The following C12orf42 variants were observed in gnomAD, a reference collection of about 807,000 sequenced individuals.
The protein encoded by C12orf42 is uncharacterized protein C12orf42.
A neutral mutation model predicts 21.6 loss-of-function variants in C12orf42; 25 were observed. The ratio of observed to expected loss-of-function variants is 1.16; its 90% CI spans 0.84 to 1.62. The LOEUF is 1.62. C12orf42 is among the 40% of genes most tolerant of loss of function. The pLI is 0.00. For synonymous variants in C12orf42, 174 were observed against 175.0 expected, an observed-to-expected ratio of 0.99 and a Z score of 0.05; for missense variants, 483 against 459.3, an observed-to-expected ratio of 1.05 and a Z score of -0.47.
chr12:103,388,595 A>G (rs1309881033), intron 3 of C12orf42, among the ~76,000 whole-genome samples: 1 of 152,164 alleles, frequency 6.6e-6, no homozygotes, highest in Non-Finnish European at 1.5e-5. Flanking sequence ...TTTTCTCTAG[A>G]CTTTTAGATG....
chr12:103,478,373 G>C lies in C12orf42; in HGVS notation c.54C>G (p.Ile18Met), dbSNP rs748626207. Residue 18 changes from isoleucine to methionine, a missense_variant, in exon 2 of 6, where the codon ATC becomes ATG. By Grantham distance (10) the Ile-to-Met change is conservative. Coordinates refer to ENST00000548883, the MANE Select transcript of C12orf42 (RefSeq NM_198521.5). ...KQREEEFLLT[I>M]RPFANRMQKS... ...CCTGCATCCTGTTTGCAAAAGGTCTGATGGTTAGCAAGAATTCTTCTTCCC... is the reference window on the plus strand; with the variant it reads ...CCTGCATCCTGTTTGCAAAAGGTCTCATGGTTAGCAAGAATTCTTCTTCCC... 206 of 1,604,366 alleles carry C rather than the reference G, an allele frequency of 1.3e-4. No homozygotes were observed. The highest frequency in any genetic ancestry group is 1.7e-4 in the Non-Finnish European group (204 of 1,174,138).
chr12:103,481,319 C>T (rs531601095), intron 1 of C12orf42, among the ~76,000 whole-genome samples: 15 of 151,674 alleles, frequency 9.9e-5, no homozygotes, highest in African/African-American at 3.4e-4. Flanking sequence ...TGAAAAAATC[C>T]CAAAAGTAAA....
the C12orf42 span, among the ~76,000 whole-genome samples, chr12:103,547,492 CA>C: frequency 6.6e-6 from 1 of 152,212 alleles, no homozygotes; most frequent in Non-Finnish European, 1.5e-5. Flanking sequence ...CCATCCAACT[CA>C]GTAAACATTT....
chr12:103,301,293 T>C (rs894180481), downstream of C12orf42, among the ~76,000 whole-genome samples: 1 of 152,210 alleles, frequency 6.6e-6, no homozygotes, highest in Non-Finnish European at 1.5e-5. Flanking sequence ...AAACTGCATG[T>C]ATGCATATCG....
At chr12:103,557,605 G>T in the C12orf42 span, 1 of 152,168 alleles carries the variant, frequency 6.6e-6, no homozygotes, top group East Asian at 1.9e-4. Context: ...AGGTATATAT[G>T]CCCTAGCCTC....
the C12orf42 span, among the ~76,000 whole-genome samples, chr12:103,053,241 C>A: frequency 1.3e-5 from 2 of 151,792 alleles, no homozygotes; most frequent in African/African-American, 2.4e-5. Context: ...TTCTGTGGAA[C>A]TTTTATGCAG....
downstream of C12orf42, among the ~76,000 whole-genome samples, chr12:103,298,430 A>G (rs1388425748): frequency 6.6e-6 from 1 of 152,234 alleles, no homozygotes; most frequent in Non-Finnish European, 1.5e-5. Flanking sequence ...GGAGAACTAC[A>G]AACCACTGTT....
At chr12:103,134,005 T>C in the C12orf42 span, among the ~76,000 whole-genome samples, 5 of 152,366 alleles carry the variant, frequency 3.3e-5, no homozygotes, top group Admixed American at 6.5e-5. Context: ...CTTTCCTTTA[T>C]GAATTACCCA....
the C12orf42 span, among the ~76,000 whole-genome samples, chr12:103,184,660 AC>A: frequency 6.6e-6 from 1 of 151,502 alleles, no homozygotes; most frequent in Non-Finnish European, 1.5e-5. Context: ...CAAGTCAAAG[AC>A]ATGGGGGCAG....
chr12:103,191,632 T>C, the C12orf42 span, among the ~76,000 whole-genome samples: 1 of 147,878 alleles, frequency 6.8e-6, no homozygotes, highest in East Asian at 2.0e-4. Context: ...TCCCAGCTAC[T>C]TGGGAGGCTG....
intron 4 of C12orf42, among the ~76,000 whole-genome samples, chr12:103,345,665 TA>T (rs2137333577): frequency 6.6e-6 from 1 of 152,342 alleles, no homozygotes; most frequent in Non-Finnish European, 1.5e-5. Context: ...GCAAGCATTT[TA>T]AACTTATTCA....
At chr12:103,326,640 G>C (rs962801663) in intron 4 of C12orf42, among the ~76,000 whole-genome samples, 2 of 152,072 alleles carry the variant, frequency 1.3e-5, no homozygotes, top group Non-Finnish European at 2.9e-5. Context: ...TGCTTTTGCT[G>C]TTCCCTCTGC....
the C12orf42 span, among the ~76,000 whole-genome samples, chr12:103,219,017 G>T: frequency 6.6e-6 from 1 of 152,166 alleles, no homozygotes; most frequent in Admixed American, 6.5e-5. Context: ...CTAGCTGCAG[G>T]AGTTTTTTTT....
intron 4 of C12orf42, among the ~76,000 whole-genome samples, chr12:103,308,270 G>A (rs2038577053): frequency 1.3e-5 from 2 of 152,100 alleles, no homozygotes; most frequent in African/African-American, 4.8e-5. Flanking sequence ...ACTTATTATA[G>A]TGCAACATAA....
chr12:103,214,815 T>C, the C12orf42 span, among the ~76,000 whole-genome samples: 1 of 152,272 alleles, frequency 6.6e-6, no homozygotes, highest in Admixed American at 6.5e-5. Context: ...GCTTGGCCCA[T>C]GGAGGGAGGG....
At chr12:103,219,266 G>A in the C12orf42 span, among the ~76,000 whole-genome samples, 2 of 152,046 alleles carry the variant, frequency 1.3e-5, no homozygotes, top group African/African-American at 4.8e-5. Context: ...AACTTGAGAT[G>A]GATTAAAGAC....
At chr12:103,116,365 A>G in the C12orf42 span, among the ~76,000 whole-genome samples, 1 of 121,110 alleles carries the variant, frequency 8.3e-6, no homozygotes, top group Non-Finnish European at 1.8e-5. Flanking sequence ...TCTCCATCTC[A>G]CCAAGAAAAA....
intron 2 of C12orf42, among the ~76,000 whole-genome samples, chr12:103,418,506 T>TA (rs2049570535): frequency 6.6e-6 from 1 of 152,212 alleles, no homozygotes; most frequent in South Asian, 2.1e-4. Flanking sequence ...AACTTTTTTT[T>TA]AACTGTCTGC....
chr12:103,269,117 T>C (rs1520191), intron 6 of C12orf42, among the ~76,000 whole-genome samples: 38,341 of 152,026 alleles, frequency 0.25, 5,135 homozygotes, highest in East Asian at 0.53. Flanking sequence ...GTCTTCATTA[T>C]CTTTGTAGTG....
Sources: allele counts gnomAD v4.1 joint callset (sites outside exome capture counted in the v4.1 genomes callset), GRCh38; gene constraint gnomAD v4.1.1; transcripts MANE v1.5; gene names NCBI Gene and HGNC (gene_info 2026-07-23, HGNC 2026-07-21).